The following SEPTIN9 variants were observed in gnomAD, a reference collection of about 807,000 sequenced individuals.
The protein encoded by SEPTIN9 is septin 9.
A neutral mutation model predicts 56.6 loss-of-function variants in SEPTIN9; 13 were observed. That is an observed-to-expected ratio of 0.23 (90% CI 0.15 to 0.37). The LOEUF is 0.37. SEPTIN9 is among the 10% of genes least tolerant of loss of function. The probability of loss-of-function intolerance (pLI) is 1.00; values close to 1 mark genes in which losing one functional copy is unlikely to be tolerated. For synonymous variants in SEPTIN9, 332 were observed against 334.1 expected (o/e 0.99, Z 0.07); for missense variants, 650 against 823.1 (o/e 0.79, Z 2.57).
intron 4 of SEPTIN9, chr17:77,483,267 T>G (rs2143235554): frequency 6.5e-6 from 1 of 153,480 alleles, no homozygotes; most frequent in Admixed American, 6.5e-5. Context: ...GACACCTTTC[T>G]TTCCTCTTCT....
intron 2 of SEPTIN9, among the ~76,000 whole-genome samples, chr17:77,370,730 AGTGCCCCTTCTGGGACT>A (rs1443502864): frequency 1.3e-5 from 2 of 152,190 alleles, no homozygotes; most frequent in Non-Finnish European, 2.9e-5. Flanking sequence ...TTCTCTGCCC[AGTGCCCCTTCTGGGACT>A]GTGTGTCCAG....
intron 3 of SEPTIN9, among the ~76,000 whole-genome samples, chr17:77,408,258 G>GCT (rs1191101504): frequency 6.6e-6 from 1 of 152,224 alleles, no homozygotes; most frequent in Admixed American, 6.5e-5. Context: ...TGGGGGCTGA[G>GCT]CTCTCATGTA....
chr17:77,490,713 T>G, intron 7 of SEPTIN9, 29 bp from the exon 8 acceptor site: 6 of 1,516,194 alleles, frequency 4.0e-6, no homozygotes, highest in South Asian at 1.2e-5. Context: ...CTCCCCCAGA[T>G]GAGCCTCACG....
In SEPTIN9 at chr17:77,453,423, T is replaced by C. The variant is rs1485707033; in HGVS notation, c.722-28721T>C. 3.3e-5 allele frequency among the ~76,000 whole-genome samples: 5 copies of C among 151,996 alleles called. No individual in the cohort carries two copies. Among genetic ancestry groups the C allele is most frequent in the African/African-American group, 1.2e-4 (5 of 41,372 alleles). ...GAGTTCGAGACCAGCCTGGCCAACA[T>C]GGTGAAACCCTGTCTCTACTAAAAA... On this transcript the variant is annotated intron_variant, in intron 3 of 11. Coordinates refer to ENST00000427177, the MANE Select transcript of SEPTIN9 (RefSeq NM_001113491.2). This position sits in a 1 kb window ranked among gnomAD's most constrained non-coding sequence, Gnocchi z 4.4.
At chr17:77,386,513 TG>T (rs939877591) in intron 2 of SEPTIN9, among the ~76,000 whole-genome samples, 7 of 151,562 alleles carry the variant, frequency 4.6e-5, no homozygotes, top group African/African-American at 1.7e-4. Context: ...GCAGTGGGGG[TG>T]GGGGTACCTT....
At position 77,487,105 on chromosome 17, in the gene SEPTIN9, AG is replaced by A. The variant is rs1419825010; in HGVS notation, c.914-317del. ...TGTCCTGTCCAAAATCTGAGCCACC[AG>A]GAGACCTCCTGTCCAGAAAGCACAA... On this transcript the variant is annotated intron_variant, in intron 4 of 11. Coordinates refer to ENST00000427177, the MANE Select transcript of SEPTIN9 (RefSeq NM_001113491.2). The surrounding 1 kb of genome is among the most constrained non-coding windows in gnomAD (Gnocchi z 4.3). 6.6e-6 allele frequency among the ~76,000 whole-genome samples: 1 copy of A among 152,198 alleles called. No individual in the cohort carries two copies. The highest frequency in any genetic ancestry group is 2.4e-5 in the African/African-American group (1 of 41,444).
At chr17:77,293,427 G>T (rs2031662421) in intron 1 of SEPTIN9, among the ~76,000 whole-genome samples, 1 of 152,190 alleles carries the variant, frequency 6.6e-6, no homozygotes, top group South Asian at 2.1e-4. Flanking sequence ...CTCCCAAAGT[G>T]CTGGGATTAC....
chr17:77,348,163 G>A (rs990041311), intron 2 of SEPTIN9, among the ~76,000 whole-genome samples: 1 of 151,766 alleles, frequency 6.6e-6, no homozygotes, highest in African/African-American at 2.4e-5. Flanking sequence ...GGCTATTTCT[G>A]TTTAACATAG....
Position 77,445,737 on chromosome 17 carries a change from G to T in SEPTIN9, c.722-36407G>T. On this transcript the variant is annotated intron_variant, in intron 3 of 11. Transcript: ENST00000427177. This position sits in a 1 kb window ranked among gnomAD's most constrained non-coding sequence, Gnocchi z 4.7. Reference sequence around the variant, plus strand: ...TCCCAACTGTCCCCTGTGGCTTCCAGAGTGGGACCTTGCTGTGGGATAGGC... The same window carrying T: ...TCCCAACTGTCCCCTGTGGCTTCCATAGTGGGACCTTGCTGTGGGATAGGC... 3.4e-6 allele frequency: 1 copy of T among 294,846 alleles called. No individual in the cohort carries two copies. Among genetic ancestry groups the T allele is most frequent in the South Asian group, 3.2e-5 (1 of 31,684 alleles). 18.3% of individuals were successfully genotyped at this position (294,846 alleles called of 1,614,324 possible).
intron 2 of SEPTIN9, among the ~76,000 whole-genome samples, chr17:77,308,565 C>T (rs1027707698): frequency 1.3e-5 from 2 of 152,252 alleles, no homozygotes; most frequent in African/African-American, 4.8e-5. Context: ...TTTATTCACT[C>T]ATTTACTTGC....
intron 3 of SEPTIN9, among the ~76,000 whole-genome samples, chr17:77,406,874 TAG>T (rs1175152940): frequency 6.6e-6 from 1 of 152,054 alleles, no homozygotes; most frequent in Non-Finnish European, 1.5e-5. Flanking sequence ...TTTCACCATA[TAG>T]GCCAGGCTGG....
rs1373701159 is a variant in SEPTIN9 at position 77,402,552 on chromosome 17, C to G, written c.570C>G (p.Ile190Met). The G allele has an allele frequency of 6.2e-7, 1 of 1,609,810 alleles. No individual in the cohort carries two copies. The highest frequency in any genetic ancestry group is 1.1e-5 in the South Asian group (1 of 90,376). ...ACGCAGCCCCCAAGAGGGTGGAGAT[C>G]CAGATGCCCAAGCCTGCTGAGGCGC... ...ATDAAPKRVE[I>M]QMPKPAEAPT... The change falls in exon 3 of 12, where the codon ATC becomes ATG. Residue 190 changes from isoleucine to methionine, a missense_variant. Around this residue, in one of 2 missense-constraint regions of SEPTIN9, gnomAD observed 317 missense variants for 329.1 expected, o/e 0.96. Coordinates refer to ENST00000427177, the MANE Select transcript of SEPTIN9 (RefSeq NM_001113491.2). The surrounding 1 kb of genome is among the most constrained non-coding windows in gnomAD (Gnocchi z 6.6).
At chr17:77,375,319 C>G (rs1205674611) in intron 2 of SEPTIN9, 2 of 152,222 alleles carry the variant, frequency 1.3e-5, no homozygotes, top group African/African-American at 2.4e-5. Context: ...CTCCTGCCTG[C>G]GGGATCGAGG....
Position 77,498,707 on chromosome 17 carries a change from C to CT in SEPTIN9, c.*49_*50insT. On this transcript the variant is annotated 3_prime_UTR_variant, in exon 12 of 12. Coordinates refer to ENST00000427177, the MANE Select transcript of SEPTIN9 (RefSeq NM_001113491.2). The stretch of plus-strand genomic sequence containing the variant: ...ATCCTGCCCCCAAGTCATTTCCGTC[C>CT]CCCCCCAGGCCCTCCCACCACCCCA... 2 of 1,071,658 alleles carry CT rather than the reference C, an allele frequency of 1.9e-6. No individual in the cohort carries two copies. The highest frequency in any genetic ancestry group is 1.3e-5 in the South Asian group (1 of 75,016). 66.4% of individuals were successfully genotyped at this position (1,071,658 alleles called of 1,614,324 possible). A position where few individuals can be genotyped will look rare whatever the true frequency, so the allele number is the denominator to read the frequency against.
intron 11 of SEPTIN9, chr17:77,497,725 C>T: frequency 2.5e-6 from 1 of 397,482 alleles, no homozygotes; most frequent in Non-Finnish European, 4.8e-6. Flanking sequence ...TCCGATCCCA[C>T]TGGCCTCTGA....
intron 3 of SEPTIN9, among the ~76,000 whole-genome samples, chr17:77,440,885 C>A (rs2037524404): frequency 6.6e-6 from 1 of 152,240 alleles, no homozygotes; most frequent in Non-Finnish European, 1.5e-5. Context: ...TGCCTGCAGG[C>A]CTGGCCTGAT....
chr17:77,356,535 C>T (rs62080962), intron 2 of SEPTIN9, among the ~76,000 whole-genome samples: 36,912 of 150,058 alleles, frequency 0.25, 4,684 homozygotes, highest in South Asian at 0.34. Flanking sequence ...GGGAACCAAG[C>T]GAGGTGATAA....
At chr17:77,407,515 G>A (rs1194043507) in intron 3 of SEPTIN9, among the ~76,000 whole-genome samples, 1 of 151,208 alleles carries the variant, frequency 6.6e-6, no homozygotes, top group African/African-American at 2.5e-5. Flanking sequence ...CTCCTCTGGA[G>A]GTTGTGCTGG....
chr17:77,493,161 C>A, intron 10 of SEPTIN9, 85 bp downstream of exon 10: 1 of 1,111,150 alleles, frequency 9.0e-7, no homozygotes, highest in Non-Finnish European at 1.3e-6. Flanking sequence ...ACGCCTGAGC[C>A]AGGGACTCGT....
Sources: gnomAD v4.1 joint callset for allele counts (sites outside exome capture counted in the v4.1 genomes callset) on GRCh38, gnomAD v4.1.1 for gene constraint, gnomAD v4.1.1 regional missense constraint, Gnocchi (gnomAD v3.1) non-coding constraint, MANE v1.5 for transcripts, NCBI Gene and HGNC (gene_info 2026-07-23, HGNC 2026-07-21) for gene names.